The following NAA11 variants were observed in gnomAD, a reference collection of about 807,000 sequenced individuals.
The protein encoded by NAA11 is N-alpha-acetyltransferase 11.
In NAA11, 15 loss-of-function variants were observed where a neutral mutation model predicts 16.1. The ratio of observed to expected loss-of-function variants is 0.93; its 90% CI spans 0.62 to 1.44. The LOEUF (loss-of-function observed/expected upper bound fraction) is 1.44, where lower values mean the gene tolerates loss of function less well. Among genes scored for constraint, NAA11 ranks in the 40% most tolerant of loss-of-function variants. The pLI is 0.00. For synonymous variants in NAA11, 122 were observed against 112.4 expected (o/e 1.09, Z -0.54); for missense variants, 298 against 291.3 (o/e 1.02, Z -0.17).
At chr4:79,209,180 C>A in the NAA11 span, among the ~76,000 whole-genome samples, 1 of 152,082 alleles carries the variant, frequency 6.6e-6, no homozygotes, top group Non-Finnish European at 1.5e-5. Context: ...CAAGTCTTAA[C>A]AGCACCAAGT....
intron 2 of NAA11, among the ~76,000 whole-genome samples, chr4:79,242,370 C>T (rs1721718292): frequency 6.6e-6 from 1 of 152,190 alleles, no homozygotes; most frequent in African/African-American, 2.4e-5. Flanking sequence ...ATTGTGTCTG[C>T]CTGCTTCAAC....
chr4:79,238,549 C>T (rs1343949969), intron 2 of NAA11, among the ~76,000 whole-genome samples: 5 of 152,040 alleles, frequency 3.3e-5, no homozygotes, highest in South Asian at 2.1e-4. Context: ...TATATATTAG[C>T]CCAGATTACC....
rs117315528 is a variant in NAA11, at chr4:79,303,891, C to T, written c.*13-9777G>A. Among the ~76,000 whole-genome samples, 55 of 152,262 alleles carry T rather than the reference C, an allele frequency of 3.6e-4. No individual in the cohort carries two copies. The East Asian group carries it at 6.4e-3, about 18-fold the overall frequency. On this transcript the variant is annotated intron_variant and NMD_transcript_variant, in intron 1 of 2. Transcript: ENST00000511542. ...CTAGATGGCCTGAGAAAGAAATCTC[C>T]ACACATTTTCTGACCTCTTTCATCT...
chr4:79,321,435 C>T (rs1351893576), intron 1 of NAA11, among the ~76,000 whole-genome samples: 2 of 152,174 alleles, frequency 1.3e-5, no homozygotes, highest in South Asian at 2.1e-4. Context: ...CTCTCATCTG[C>T]TAGTTGAATG....
At chr4:79,300,268 T>G (rs1355116831) in intron 1 of NAA11, among the ~76,000 whole-genome samples, 1 of 152,180 alleles carries the variant, frequency 6.6e-6, no homozygotes, top group African/African-American at 2.4e-5. Flanking sequence ...ACAATGAAAT[T>G]TGGTTTTATA....
chr4:79,204,417 T>C, the NAA11 span, among the ~76,000 whole-genome samples: 2 of 151,844 alleles, frequency 1.3e-5, no homozygotes, highest in Non-Finnish European at 2.9e-5. Flanking sequence ...TGAAGTATTA[T>C]TCTATACCTA....
At chr4:79,173,051 T>C in the NAA11 span, among the ~76,000 whole-genome samples, 1 of 152,088 alleles carries the variant, frequency 6.6e-6, no homozygotes. Context: ...ATAACACCAA[T>C]ATGGAAACTC....
At chr4:79,180,973 C>T in the NAA11 span, among the ~76,000 whole-genome samples, 1 of 151,958 alleles carries the variant, frequency 6.6e-6, no homozygotes, top group South Asian at 2.1e-4. Flanking sequence ...AGCAAACTAT[C>T]ACAAGGACAA....
chr4:79,207,094 T>G, the NAA11 span, among the ~76,000 whole-genome samples: 1 of 151,926 alleles, frequency 6.6e-6, no homozygotes, highest in Non-Finnish European at 1.5e-5. Flanking sequence ...GTCTGGGAGT[T>G]TTTTGGAGGA....
the NAA11 span, among the ~76,000 whole-genome samples, chr4:79,193,793 T>C: frequency 6.6e-6 from 1 of 152,212 alleles, no homozygotes; most frequent in Non-Finnish European, 1.5e-5. Context: ...GGGGATGGCA[T>C]TGAATCTATA....
At chr4:79,222,216 G>A (rs1306493323), downstream of NAA11, among the ~76,000 whole-genome samples, 3 of 152,236 alleles carry the variant, frequency 2.0e-5, no homozygotes, top group Middle Eastern at 3.4e-3. Context: ...GGGATCGGTG[G>A]TGACATCCCC....
chr4:79,189,038 C>T, the NAA11 span, among the ~76,000 whole-genome samples: 5 of 149,166 alleles, frequency 3.4e-5, no homozygotes, highest in African/African-American at 9.9e-5. Context: ...CCCAGCTACT[C>T]GGGAGGCTGA....
chr4:79,277,318 C>T (rs182475040), intron 2 of NAA11, among the ~76,000 whole-genome samples: 278 of 152,110 alleles, frequency 1.8e-3, no homozygotes, highest in Non-Finnish European at 3.1e-3. Flanking sequence ...ACCATGTATC[C>T]GTAAGTTGGT....
chr4:79,229,685 G>T (rs1235924213), intron 2 of NAA11, among the ~76,000 whole-genome samples: 2 of 151,822 alleles, frequency 1.3e-5, no homozygotes, highest in Non-Finnish European at 2.9e-5. Context: ...TATGTGCCTG[G>T]TATGATATTG....
chr4:79,212,464 G>T, the NAA11 span, among the ~76,000 whole-genome samples: 1 of 151,964 alleles, frequency 6.6e-6, no homozygotes, highest in African/African-American at 2.4e-5. Context: ...TCTTGCAAAG[G>T]CCTTGTCATG....
chr4:79,213,847 G>T, the NAA11 span, among the ~76,000 whole-genome samples: 18 of 152,084 alleles, frequency 1.2e-4, no homozygotes, highest in African/African-American at 4.3e-4. Flanking sequence ...CAGAAATACT[G>T]ATGACATCAT....
intron 2 of NAA11, chr4:79,258,681 AGG>A (rs1722180373): frequency 6.6e-6 from 1 of 152,284 alleles, no homozygotes; most frequent in South Asian, 2.1e-4. Flanking sequence ...TGGCTGGAAA[AGG>A]GCAATGAGGC....
At chr4:79,299,261 G>C (rs1723318758) in intron 1 of NAA11, 1 of 152,206 alleles carries the variant, frequency 6.6e-6, no homozygotes, top group Non-Finnish European at 1.5e-5. Context: ...GAGAAGTTGA[G>C]ACTTTCTACA....
intron 2 of NAA11, chr4:79,245,674 C>G (rs998839396): frequency 6.4e-6 from 1 of 156,086 alleles, no homozygotes; most frequent in Non-Finnish European, 1.4e-5. Context: ...CAGCAGCCAC[C>G]CCGTCTGGGA....
Sources: allele counts gnomAD v4.1 joint callset (sites outside exome capture counted in the v4.1 genomes callset), GRCh38; gene constraint gnomAD v4.1.1; transcripts MANE v1.5; gene names NCBI Gene and HGNC (gene_info 2026-07-23, HGNC 2026-07-21).